Variants in ANKS1B observed in about 807,000 individuals in gnomAD.
ANKS1B encodes the protein ankyrin repeat and sterile alpha motif domain containing 1B, also known as ankyrin repeat and sterile alpha motif domain-containing protein 1B.
Under a neutral mutation model 148.3 loss-of-function variants are expected in ANKS1B, and 36 were observed. The observed-to-expected ratio is 0.24, with a 90% CI of 0.19 to 0.32. The LOEUF is 0.32. Ranked by LOEUF, ANKS1B falls within the 10% of genes least tolerant of loss-of-function variation. The probability of loss-of-function intolerance (pLI) is 1.00; values close to 1 mark genes in which losing one functional copy is unlikely to be tolerated. For missense variants in ANKS1B, 1,157 were observed against 1,542.6 expected, an observed-to-expected ratio of 0.75 and a Z score of 4.19; for synonymous variants, 542 against 560.8, an observed-to-expected ratio of 0.97 and a Z score of 0.47.
Position 99,984,821 on chromosome 12 carries a change from G to T in ANKS1B, c.-584C>A, listed in dbSNP as rs1430776547. 6.8e-6 allele frequency among the ~76,000 whole-genome samples: 1 copy of T among 146,344 alleles called. No individual in the cohort carries two copies. Among genetic ancestry groups the T allele is most frequent in the East Asian group, 2.0e-4 (1 of 5,100 alleles). On this transcript the variant is annotated 5_prime_UTR_variant, in exon 1 of 27. Coordinates refer to ENST00000683438, the MANE Select transcript of ANKS1B (RefSeq NM_001352186.2). Reference sequence around the variant, plus strand: ...CCCGCGCCGAGGCAGGGCGGTGGGGGGCAGCCGCAGCGGGCGCGTGCCGAG... The same window carrying T: ...CCCGCGCCGAGGCAGGGCGGTGGGGTGCAGCCGCAGCGGGCGCGTGCCGAG...
chr12:99,405,312 A>G (rs1413360528), intron 11 of ANKS1B, among the ~76,000 whole-genome samples: 1 of 145,310 alleles, frequency 6.9e-6, no homozygotes, highest in Non-Finnish European at 1.5e-5. Flanking sequence ...ATAGACTGAT[A>G]ATAACAAGTA....
intron 12 of ANKS1B, among the ~76,000 whole-genome samples, chr12:99,311,474 C>A (rs1165588190): frequency 6.6e-6 from 1 of 152,068 alleles, no homozygotes; most frequent in Non-Finnish European, 1.5e-5. Flanking sequence ...TCATAAAAAC[C>A]TTCTGGGTAT....
In ANKS1B at chr12:99,227,433, A is replaced by G. The variant is rs116915509; in HGVS notation, c.2419+16909T>C. On this transcript the variant is annotated intron_variant, in intron 14 of 26. Transcript: ENST00000683438. ...TTTTCTTTATAAATCACTCAGTCTC[A>G]GGTATTTCTTTATAGTAAGGCAAGA... Among the ~76,000 whole-genome samples, 646 of 152,268 alleles carry G rather than the reference A, an allele frequency of 4.2e-3. 24 individuals are homozygous for G. In the East Asian group the frequency reaches 0.082, roughly 19 times the overall value.
At chr12:99,600,168 T>C (rs1567446393) in intron 9 of ANKS1B, among the ~76,000 whole-genome samples, 1 of 152,046 alleles carries the variant, frequency 6.6e-6, no homozygotes, top group Admixed American at 6.6e-5. Flanking sequence ...GAGCATTTAG[T>C]GTTCTATTTA....
chr12:99,890,751 A>G (rs1201921032), intron 1 of ANKS1B, among the ~76,000 whole-genome samples: 3 of 152,174 alleles, frequency 2.0e-5, no homozygotes, highest in Non-Finnish European at 4.4e-5. Context: ...ACACAACCCA[A>G]TTAAACAGTT....
At chr12:99,401,576 C>A (rs2094404349) in intron 11 of ANKS1B, among the ~76,000 whole-genome samples, 1 of 146,704 alleles carries the variant, frequency 6.8e-6, no homozygotes, top group Non-Finnish European at 1.5e-5. Flanking sequence ...TGAAAACAAA[C>A]AAGCTATTTT....
intron 12 of ANKS1B, among the ~76,000 whole-genome samples, chr12:99,302,038 A>G (rs2081705193): frequency 6.6e-6 from 1 of 152,172 alleles, no homozygotes; most frequent in South Asian, 2.1e-4. Flanking sequence ...CACAGAAAAC[A>G]GGTGTGGGAA....
intron 10 of ANKS1B, among the ~76,000 whole-genome samples, chr12:99,452,311 T>G (rs1337673874): frequency 2.0e-5 from 3 of 152,192 alleles, no homozygotes; most frequent in Non-Finnish European, 4.4e-5. Context: ...TGTTTTCCCT[T>G]TTATGGACAG....
intron 12 of ANKS1B, among the ~76,000 whole-genome samples, chr12:99,369,283 C>T (rs1566970244): frequency 6.6e-6 from 1 of 152,184 alleles, no homozygotes; most frequent in East Asian, 1.9e-4. Context: ...GACCTAATAT[C>T]CAGGTTATAA....
chr12:99,404,831 C>A (rs2152628278), intron 11 of ANKS1B, among the ~76,000 whole-genome samples: 1 of 145,402 alleles, frequency 6.9e-6, no homozygotes, highest in Non-Finnish European at 1.5e-5. Context: ...TTAATCCAAA[C>A]AAGACTACCT....
rs533416147 is a variant in ANKS1B at position 98,958,862 on chromosome 12, T to C, written c.2778+94295A>G. 2.7e-4 allele frequency among the ~76,000 whole-genome samples: 41 copies of C among 152,350 alleles called. 1 individual carries two copies. In the Middle Eastern group the frequency reaches 0.01, roughly 38 times the overall value. ...AGTGATTTTAATTTGCTACAACATT[T>C]AGATGTATCAATGAGACATTTCATA... On this transcript the variant is annotated intron_variant, in intron 17 of 26. Transcript: ENST00000683438.
intron 15 of ANKS1B, among the ~76,000 whole-genome samples, chr12:99,153,938 T>C (rs191697033): frequency 2.0e-5 from 3 of 152,150 alleles, no homozygotes; most frequent in Admixed American, 1.3e-4. Flanking sequence ...AAGAATTAGC[T>C]GAAGAGTGAT....
At chr12:99,640,542 C>T (rs534893241) in intron 9 of ANKS1B, among the ~76,000 whole-genome samples, 38 of 152,308 alleles carry the variant, frequency 2.5e-4, no homozygotes, top group African/African-American at 8.9e-4. Flanking sequence ...CTTACCCTCT[C>T]ACCTTCTGCC....
chr12:99,160,586 G>A (rs1453442309), intron 14 of ANKS1B, among the ~76,000 whole-genome samples: 1 of 150,414 alleles, frequency 6.6e-6, no homozygotes, highest in Non-Finnish European at 1.5e-5. Context: ...CTGACCTCAT[G>A]ATCTGCCTGC....
In ANKS1B at chr12:99,806,635, A is replaced by C; in HGVS notation, c.438T>G (p.Val146=). 1 of 1,613,954 alleles carries C rather than the reference A, an allele frequency of 6.2e-7. No individual in the cohort carries two copies. Among genetic ancestry groups the C allele is most frequent in the African/African-American group, 1.3e-5 (1 of 75,054 alleles). The change falls in exon 4 of 27, where the codon GTT becomes GTG. Residue 146 remains valine, a synonymous_variant. Coordinates refer to ENST00000683438, the MANE Select transcript of ANKS1B (RefSeq NM_001352186.2). ...TCGGGTCAGTGAGCTCTTCTAGGAGAACAGCAACTACTTCTGAGTGTCCAT... is the reference window on the plus strand; with the variant it reads ...TCGGGTCAGTGAGCTCTTCTAGGAGCACAGCAACTACTTCTGAGTGTCCAT... ...AQYGHSEVVA[V]LLEELTDPTI... is the part of the protein sequence containing the mutation.
intron 17 of ANKS1B, among the ~76,000 whole-genome samples, chr12:98,904,675 A>G: frequency 6.6e-6 from 1 of 152,246 alleles, no homozygotes; most frequent in Non-Finnish European, 1.5e-5. Context: ...AAGATGCAGC[A>G]GAGTTTGCCT....
At chr12:99,777,429 G>A (rs1332253051) in intron 6 of ANKS1B, among the ~76,000 whole-genome samples, 1 of 152,164 alleles carries the variant, frequency 6.6e-6, no homozygotes, top group Admixed American at 6.5e-5. Flanking sequence ...TTACTCCCAT[G>A]TAACAACATT....
At chr12:99,086,071 T>C (rs1337183388) in intron 15 of ANKS1B, among the ~76,000 whole-genome samples, 3 of 152,168 alleles carry the variant, frequency 2.0e-5, no homozygotes, top group Non-Finnish European at 4.4e-5. Flanking sequence ...GATTGAATGA[T>C]GAATATGATG....
intron 1 of ANKS1B, among the ~76,000 whole-genome samples, chr12:99,832,133 A>G (rs1402747774): frequency 6.6e-6 from 1 of 152,246 alleles, no homozygotes; most frequent in African/African-American, 2.4e-5. Flanking sequence ...GTAAATTGCT[A>G]CAACATTCTT....
Sources: gnomAD v4.1 joint callset for allele counts (sites outside exome capture counted in the v4.1 genomes callset) on GRCh38, gnomAD v4.1.1 for gene constraint, MANE v1.5 for transcripts, NCBI Gene and HGNC (gene_info 2026-07-23, HGNC 2026-07-21) for gene names.